The following DMD variants were observed in gnomAD, a reference collection of about 807,000 sequenced individuals.
The protein encoded by DMD is dystrophin.
Under a neutral mutation model 330.1 loss-of-function variants are expected in DMD, and 63 were observed. The ratio of observed to expected loss-of-function variants is 0.19; its 90% CI spans 0.16 to 0.24. DMD has a LOEUF of 0.24. Ranked by LOEUF, DMD falls within the 10% of genes least tolerant of loss-of-function variation. DMD has a pLI of 1.00. For synonymous variants in DMD, 1,223 were observed against 959.8 expected, an observed-to-expected ratio of 1.27 and a Z score of -5.07; for missense variants, 3,344 against 2,684.1, an observed-to-expected ratio of 1.25 and a Z score of -5.43.
chrX:32,767,906 C>T (rs2073175449), intron 7 of DMD, among the ~76,000 whole-genome samples: 1 of 111,158 alleles, frequency 9.0e-6, no homozygotes, highest in African/African-American at 3.3e-5. Flanking sequence ...GAGAAAGGTG[C>T]AATACACCAT....
At chrX:32,100,726 G>T (rs1795571) in intron 44 of DMD, among the ~76,000 whole-genome samples, 7,406 of 110,942 alleles carry the variant, frequency 0.067, 213 homozygotes, top group Non-Finnish European at 0.1. Context: ...TTAGCTTTCT[G>T]TTTTGTTTGT....
intron 62 of DMD, among the ~76,000 whole-genome samples, chrX:31,308,627 G>A (rs191985678): frequency 1.8e-5 from 2 of 111,071 alleles, no homozygotes; most frequent in East Asian, 2.8e-4. Flanking sequence ...GCTCAGCCTG[G>A]TCTCAAACTC....
intron 21 of DMD, among the ~76,000 whole-genome samples, chrX:32,483,396 G>C (rs904186044): frequency 1.9e-5 from 2 of 106,588 alleles, no homozygotes; most frequent in African/African-American, 6.7e-5. Context: ...TGTATGAATA[G>C]AGACTATATA....
At chrX:32,458,661 C>A (rs1021733488) in intron 25 of DMD, among the ~76,000 whole-genome samples, 3 of 111,171 alleles carry the variant, frequency 2.7e-5, no homozygotes, top group Admixed American at 9.6e-5. Flanking sequence ...CACTTAGTAT[C>A]TTTTGCTTTG....
At chrX:33,022,611 C>A (rs991351595) in intron 1 of DMD, among the ~76,000 whole-genome samples, 2 of 110,004 alleles carry the variant, frequency 1.8e-5, no homozygotes, top group Non-Finnish European at 3.8e-5. Context: ...CCTTACTATT[C>A]ATAAGTTTGT....
chrX:31,835,875 C>G (rs66562303), intron 49 of DMD, among the ~76,000 whole-genome samples: 10,242 of 111,268 alleles, frequency 0.092, 376 homozygotes, highest in African/African-American at 0.12. Flanking sequence ...GTATCCAAGC[C>G]TGCAACATTA....
intron 17 of DMD, among the ~76,000 whole-genome samples, chrX:32,519,441 G>T (rs2046214443): frequency 9.0e-6 from 1 of 110,722 alleles, no homozygotes; most frequent in African/African-American, 3.3e-5. Context: ...CCTACCCTAT[G>T]CTTAATTACT....
rs756307775 is a variant in DMD at position 32,655,126 on chromosome X, T to C, written c.961-9974A>G. Among the ~76,000 whole-genome samples, 310 of 111,979 alleles carry C rather than the reference T, an allele frequency of 2.8e-3. 1 individual carries two copies. The highest frequency in any genetic ancestry group is 8.1e-3 in the African/African-American group (249 of 30,755). ...TTGATTTTTTAAAGGGCTTTTTGTG[T>C]CTCTATTTCCTTCAGTTGGGCTCTG... On this transcript the variant is annotated intron_variant, in intron 9 of 78. Transcript: ENST00000357033.
intron 44 of DMD, among the ~76,000 whole-genome samples, chrX:32,170,272 A>G (rs1176348814): frequency 1.8e-5 from 2 of 109,725 alleles, no homozygotes; most frequent in Admixed American, 2.0e-4. Flanking sequence ...GGAGTTCGAG[A>G]CCAGCCTGAC....
chrX:31,207,875 G>A (rs758338663), intron 65 of DMD, among the ~76,000 whole-genome samples: 2 of 111,172 alleles, frequency 1.8e-5, no homozygotes, highest in African/African-American at 3.3e-5. Context: ...CAAGCTTAGT[G>A]TTCCAATAAT....
chrX:32,225,660 T>A (rs1202354977), intron 43 of DMD, among the ~76,000 whole-genome samples: 1 of 110,835 alleles, frequency 9.0e-6, no homozygotes, highest in Non-Finnish European at 1.9e-5. Context: ...CTTGGTACTG[T>A]CCTCATGAAA....
chrX:32,736,293 T>C (rs766431192), intron 7 of DMD, among the ~76,000 whole-genome samples: 1,856 of 110,872 alleles, frequency 0.017, 44 homozygotes, highest in African/African-American at 0.057. Context: ...TGTGGAGAAA[T>C]AGGAACACTT....
intron 11 of DMD, among the ~76,000 whole-genome samples, chrX:32,627,913 T>G (rs986501870): frequency 2.7e-5 from 3 of 110,812 alleles, no homozygotes; most frequent in South Asian, 3.8e-4. Context: ...TTTATTTTTT[T>G]GGGTATATAG....
chrX:32,320,744 T>C (rs778626156), intron 41 of DMD, among the ~76,000 whole-genome samples: 1 of 112,038 alleles, frequency 8.9e-6, no homozygotes, highest in Non-Finnish European at 1.9e-5. Context: ...AAGAAAGATT[T>C]GTTTCTTTTT....
chrX:31,333,934 C>CTT (rs374127684), intron 61 of DMD, among the ~76,000 whole-genome samples: 7 of 102,985 alleles, frequency 6.8e-5, no homozygotes, highest in African/African-American at 1.4e-4. Flanking sequence ...AGATATTCAT[C>CTT]TTTTTTTTTT....
At chrX:32,145,038 G>A (rs1218824197) in intron 44 of DMD, among the ~76,000 whole-genome samples, 1 of 111,589 alleles carries the variant, frequency 9.0e-6, no homozygotes, top group Non-Finnish European at 1.9e-5. Context: ...CCGTCTCAAT[G>A]AATCAGTCAA....
chrX:32,514,253 A>AG (rs55909553), intron 18 of DMD, among the ~76,000 whole-genome samples: 94 of 105,867 alleles, frequency 8.9e-4, no homozygotes, highest in African/African-American at 3.1e-3. Context: ...AAAAAAAAAA[A>AG]GATACTATGA....
chrX:31,588,915 C>T (rs1372667614), intron 55 of DMD, among the ~76,000 whole-genome samples: 2 of 97,939 alleles, frequency 2.0e-5, no homozygotes, highest in African/African-American at 7.8e-5. Flanking sequence ...TAACCTCTTT[C>T]CCCCACTTAT....
At chrX:33,010,413 C>G (rs769972355) in intron 2 of DMD, among the ~76,000 whole-genome samples, 1 of 108,750 alleles carries the variant, frequency 9.2e-6, no homozygotes, top group Non-Finnish European at 1.9e-5. Context: ...GGTTGAGCCT[C>G]TCAAATCCAA....
Sources: gnomAD v4.1 joint callset for allele counts (sites outside exome capture counted in the v4.1 genomes callset) on GRCh38, gnomAD v4.1.1 for gene constraint, MANE v1.5 for transcripts, NCBI Gene and HGNC (gene_info 2026-07-23, HGNC 2026-07-21) for gene names.